Variants in CFAP65 observed in about 807,000 individuals in gnomAD.
CFAP65 encodes the protein cilia- and flagella-associated protein 65.
A neutral mutation model predicts 208.0 loss-of-function variants in CFAP65; 155 were observed. That is an observed-to-expected ratio of 0.75 (90% CI 0.65 to 0.85). The LOEUF is 0.85. Ranked by LOEUF, CFAP65 falls within the 40% of genes least tolerant of loss-of-function variation. The probability of loss-of-function intolerance (pLI) is 0.00; values close to 1 mark genes in which losing one functional copy is unlikely to be tolerated. For synonymous variants in CFAP65, 970 were observed against 986.3 expected, an observed-to-expected ratio of 0.98 and a Z score of 0.31; for missense variants, 2,294 against 2,451.3, an observed-to-expected ratio of 0.94 and a Z score of 1.36.
At chr2:219,036,173 G>A (rs1160785986) in intron 4 of CFAP65, among the ~76,000 whole-genome samples, 1 of 152,180 alleles carries the variant, frequency 6.6e-6, no homozygotes, top group Non-Finnish European at 1.5e-5. Flanking sequence ...GGCAGAGGAG[G>A]AGCCAATTTG....
chr2:219,027,967 G>T lies in CFAP65; in HGVS notation c.1894C>A (p.Pro632Thr), dbSNP rs61748323. ...MPAPQYPYIPPMTEFFFDGTS... is the reference protein window; with the variant it reads ...MPAPQYPYIPTMTEFFFDGTS... ...CCGTCGAAGAAGAACTCGGTCATGGGGGGGATATAAGGGTACTGCGGGGCC... is the reference window on the plus strand; with the variant it reads ...CCGTCGAAGAAGAACTCGGTCATGGTGGGGATATAAGGGTACTGCGGGGCC... The change falls in exon 13 of 35, where the codon CCC becomes ACC. Residue 632 changes from proline to threonine, a missense_variant. Transcript: ENST00000341552. 24 of 1,520,286 alleles carry T rather than the reference G, an allele frequency of 1.6e-5. No individual in the cohort carries two copies. The East Asian group carries it at 1.8e-4, about 11-fold the overall frequency. The allele number at this position is 1,520,286 out of a possible 1,614,324, so 94.2% of individuals were successfully genotyped here. A position where few individuals can be genotyped will look rare whatever the true frequency, so the allele number is the denominator to read the frequency against.
rs9653263 is a variant in CFAP65 at position 219,024,273 on chromosome 2, G to A, written c.2350-13C>T. On this transcript the variant is annotated splice_polypyrimidine_tract_variant and intron_variant, in intron 14 of 34. Transcript: ENST00000341552. ...CTGCTGGAAATAGCTGGGGGTGGGA[G>A]AGGAGGAAAGCGGCCCCCCGCTCAG... The A allele has an allele frequency of 5.5e-5, 88 of 1,605,526 alleles. No individual in the cohort carries two copies. The African/African-American group carries it at 9.2e-4, about 17-fold the overall frequency.
Position 219,004,694 on chromosome 2 carries a change from G to A in CFAP65, c.5052-239C>T, listed in dbSNP as rs1028338408. Among the ~76,000 whole-genome samples, 1 of 152,102 alleles carries A rather than the reference G, an allele frequency of 6.6e-6. No homozygotes were observed. The highest frequency in any genetic ancestry group is 2.4e-5 in the African/African-American group (1 of 41,426). Reference sequence around the variant, plus strand: ...CAGGTCAGATTCACACACATGATGGGCAGGAACCCTGGGGAGATAGTGGAC... The same window carrying A: ...CAGGTCAGATTCACACACATGATGGACAGGAACCCTGGGGAGATAGTGGAC... On this transcript the variant is annotated intron_variant, in intron 32 of 34. Coordinates refer to ENST00000341552, the MANE Select transcript of CFAP65 (RefSeq NM_194302.4). This position sits in a 1 kb window ranked among gnomAD's most constrained non-coding sequence, Gnocchi z 4.7.
Position 219,032,583 on chromosome 2 carries a change from G to C in CFAP65, c.543-11C>G, listed in dbSNP as rs1284779001. On this transcript the variant is annotated splice_polypyrimidine_tract_variant and intron_variant, in intron 5 of 34. Transcript: ENST00000341552. The surrounding 1 kb of genome is among the most constrained non-coding windows in gnomAD (Gnocchi z 5.5). ...TTGGTCTTGGGGGGCCTGCAGGAGA[G>C]AGCCGGTGGGGAGCACCTCAGATCA... is the stretch of plus-strand genomic sequence containing the variant. 2 of 1,582,640 alleles carry C rather than the reference G, an allele frequency of 1.3e-6. No individual in the cohort carries two copies. Among genetic ancestry groups the C allele is most frequent in the Non-Finnish European group, 1.7e-6 (2 of 1,163,710 alleles).
chr2:219,021,518 G>T (rs556443576), intron 18 of CFAP65, among the ~76,000 whole-genome samples: 7 of 152,264 alleles, frequency 4.6e-5, no homozygotes, highest in Middle Eastern at 3.4e-3. Context: ...GTGCCACCTG[G>T]TGCCCCTTTT....
intron 18 of CFAP65, 93 bp from the exon 19 acceptor site, chr2:219,021,373 G>A: frequency 1.5e-6 from 2 of 1,361,382 alleles, no homozygotes; most frequent in Non-Finnish European, 1.9e-6. Context: ...GGCACCAGGG[G>A]AGGACAGCAG....
Position 219,009,399 on chromosome 2 carries a change from G to T in CFAP65, c.4514C>A (p.Thr1505Asn), listed in dbSNP as rs777214775. Reference protein sequence around the residue: ...APEETVPFVVTLRASVHASFY... With the variant: ...APEETVPFVVNLRASVHASFY... ...GCTGGCATGCACAGAGGCCCTCAAG[G>T]TCACCACAAATGGGACCGTCTCTTC... Residue 1505 changes from threonine to asparagine, a missense_variant, in exon 28 of 35, where the codon ACC (threonine) becomes AAC (asparagine). By Grantham distance (65) the Thr-to-Asn change is moderately conservative. Coordinates refer to ENST00000341552, the MANE Select transcript of CFAP65 (RefSeq NM_194302.4). 11 of 1,612,588 alleles carry T rather than the reference G, an allele frequency of 6.8e-6. No individual in the cohort carries two copies. The Admixed American group carries it at 1.5e-4, about 22-fold the overall frequency.
At chr2:219,007,148 TG>T (rs1286834008) in intron 29 of CFAP65, among the ~76,000 whole-genome samples, 3 of 150,898 alleles carry the variant, frequency 2.0e-5, no homozygotes, top group Admixed American at 6.6e-5. Context: ...GAGTTTTTTT[TG>T]TTGTTGTTGT....
In CFAP65 at chr2:219,010,582, G is replaced by C; in HGVS notation, c.4272C>G (p.Asn1424Lys). 2 of 1,611,680 alleles carry C rather than the reference G, an allele frequency of 1.2e-6. No homozygotes were observed. Among genetic ancestry groups the C allele is most frequent in the Non-Finnish European group, 8.5e-7 (1 of 1,179,682 alleles). ...APFHNISSWD[N>K]SSIHSRLVVP... The stretch of plus-strand genomic sequence containing the variant: ...CCACCAGCCTAGAGTGTATGGAACT[G>C]TTGTCCCACGAGGAGATGTTGTGGA... The change falls in exon 26 of 35, where the codon AAC becomes AAG. Residue 1424 changes from asparagine to lysine, a missense_variant. By Grantham distance (94) the Asn-to-Lys change is moderately conservative. Around this residue, in one of 2 missense-constraint regions of CFAP65, gnomAD observed 1,427 missense variants for 1,438.7 expected, o/e 0.99. Transcript: ENST00000341552.
intron 16 of CFAP65, 133 bp from the exon 17 acceptor site, chr2:219,022,462 T>A (rs1057432312): frequency 1.0e-6 from 1 of 977,284 alleles, no homozygotes; most frequent in Non-Finnish European, 1.6e-6. Context: ...CCAGGCATTG[T>A]ACACGGCACA....
rs1403968225 is a variant in CFAP65 at position 219,005,537 on chromosome 2, T to G, written c.4948A>C (p.Arg1650=). 1 of 1,612,386 alleles carries G rather than the reference T, an allele frequency of 6.2e-7. No individual in the cohort carries two copies. The highest frequency in any genetic ancestry group is 1.1e-5 in the South Asian group (1 of 91,004). ...TCCTCAGAAGTCTCTGACTCTTCCC[T>G]GGGGGCCTTCCTCTTTGGCAGCTCC... ...HRELPKRKAP[R]EESETSEEKS... Residue 1650 remains arginine (R), a synonymous_variant, in exon 32 of 35, where the codon AGG becomes CGG. Transcript: ENST00000341552.
At chr2:219,013,481 C>T in intron 23 of CFAP65, 38 bp downstream of exon 23, 2 of 1,580,108 alleles carry the variant, frequency 1.3e-6, no homozygotes, top group Non-Finnish European at 1.7e-6. Flanking sequence ...CCTCCTCCAG[C>T]CTGAAACTAG....
At position 219,004,160 on chromosome 2, in the gene CFAP65, C is replaced by T; in HGVS notation, c.5347G>A (p.Glu1783Lys). Residue 1783 changes from glutamate to lysine, a missense_variant, in exon 33 of 35, where the codon GAG becomes AAG. Physicochemically the swap from Glu to Lys is moderately conservative, Grantham distance 56. Coordinates refer to ENST00000341552, the MANE Select transcript of CFAP65 (RefSeq NM_194302.4). This position sits in a 1 kb window ranked among gnomAD's most constrained non-coding sequence, Gnocchi z 4.7. Reference protein sequence around the residue: ...EELEEEEEEEEETEEEELGKE... With the variant: ...EELEEEEEEEKETEEEELGKE... ...CCCAACTCCTCCTCTTCTGTCTCCT[C>T]TTCTTCCTCCTCTTCCTCCTCCAAC... The T allele has an allele frequency of 6.2e-7, 1 of 1,613,954 alleles. No homozygotes were observed. Among genetic ancestry groups the T allele is most frequent in the Non-Finnish European group, 8.5e-7 (1 of 1,180,020 alleles).
chr2:219,018,090 GCT>G (rs1292087507), intron 21 of CFAP65, among the ~76,000 whole-genome samples: 2 of 151,998 alleles, frequency 1.3e-5, no homozygotes, highest in African/African-American at 4.8e-5. Flanking sequence ...ATTCCCCAAG[GCT>G]CTCTCTGCTC....
intron 9 of CFAP65, among the ~76,000 whole-genome samples, 168 bp from the exon 10 acceptor site, chr2:219,030,376 C>G (rs552859415): frequency 6.6e-6 from 1 of 152,310 alleles, no homozygotes; most frequent in African/African-American, 2.4e-5. Flanking sequence ...GAGAAGGGAC[C>G]GAGTCATGTG....
At chr2:219,023,876 T>C (rs991039313) in intron 15 of CFAP65, 139 bp downstream of exon 15, 1 of 1,071,010 alleles carries the variant, frequency 9.3e-7, no homozygotes, top group Admixed American at 2.3e-5. Flanking sequence ...GCAGGTTCTT[T>C]CCCTACTATG....
chr2:219,027,243 GTGC>G, intron 13 of CFAP65: 1 of 1,356,084 alleles, frequency 7.4e-7, no homozygotes, highest in Non-Finnish European at 9.5e-7. Flanking sequence ...CAATTATCTG[GTGC>G]TGCTGACTTT....
chr2:219,012,793 A>T (rs980992539), intron 24 of CFAP65, among the ~76,000 whole-genome samples: 4 of 152,238 alleles, frequency 2.6e-5, no homozygotes, highest in African/African-American at 4.8e-5. Flanking sequence ...AGCAGATCTA[A>T]ATCAATGTTG....
At chr2:219,021,340 T>C (rs1947251502) in intron 18 of CFAP65, 60 bp from the exon 19 acceptor site, 1 of 1,478,508 alleles carries the variant, frequency 6.8e-7, no homozygotes, top group Non-Finnish European at 9.0e-7. Flanking sequence ...TTCCTCCTGC[T>C]CCTTTGTAGA....
Sources: gnomAD v4.1 joint callset for allele counts (sites outside exome capture counted in the v4.1 genomes callset) on GRCh38, gnomAD v4.1.1 for gene constraint, gnomAD v4.1.1 regional missense constraint, Gnocchi (gnomAD v3.1) non-coding constraint, MANE v1.5 for transcripts, NCBI Gene and HGNC (gene_info 2026-07-23, HGNC 2026-07-21) for gene names.